The following BMPR1A variants were observed in gnomAD, a reference collection of about 807,000 sequenced individuals.
BMPR1A encodes bone morphogenetic protein receptor type-1A.
In BMPR1A, 7 loss-of-function variants were observed where a neutral mutation model predicts 66.0. That is an observed-to-expected ratio of 0.11 (90% CI 0.06 to 0.20). The LOEUF (loss-of-function observed/expected upper bound fraction) is 0.20, where lower values mean the gene tolerates loss of function less well. Ranked by LOEUF, BMPR1A falls within the 10% of genes least tolerant of loss-of-function variation. The probability of loss-of-function intolerance (pLI) is 1.00; values close to 1 mark genes in which losing one functional copy is unlikely to be tolerated. For synonymous variants in BMPR1A, 200 were observed against 229.7 expected (o/e 0.87, Z 1.17); for missense variants, 408 against 669.1 (o/e 0.61, Z 4.31).
At chr10:86,856,755 C>A (rs1842647189) in intron 2 of BMPR1A, among the ~76,000 whole-genome samples, 1 of 152,098 alleles carries the variant, frequency 6.6e-6, no homozygotes, top group Admixed American at 6.6e-5. Context: ...ACGAGACTGC[C>A]CTTGCTGCGA....
chr10:86,871,621 G>A (rs1842856575), intron 2 of BMPR1A, among the ~76,000 whole-genome samples: 1 of 152,024 alleles, frequency 6.6e-6, no homozygotes, highest in Non-Finnish European at 1.5e-5. Context: ...AGATCAGTCT[G>A]GGCAACATGG....
chr10:86,790,357 A>G (rs1388499057), intron 1 of BMPR1A, among the ~76,000 whole-genome samples: 1 of 151,280 alleles, frequency 6.6e-6, no homozygotes, highest in Non-Finnish European at 1.5e-5. Context: ...ATTTGTGGGA[A>G]TATAAAATCG....
At chr10:86,846,034 A>T (rs1301454541) in intron 2 of BMPR1A, among the ~76,000 whole-genome samples, 1 of 151,926 alleles carries the variant, frequency 6.6e-6, no homozygotes, top group Non-Finnish European at 1.5e-5. Flanking sequence ...ATATATGTAT[A>T]TATCTCTGAA....
At chr10:86,903,231 A>C (rs1176825234) in intron 7 of BMPR1A, among the ~76,000 whole-genome samples, 1 of 152,252 alleles carries the variant, frequency 6.6e-6, no homozygotes, top group Non-Finnish European at 1.5e-5. Context: ...GAAGCAATCA[A>C]AACCACTGAC....
At chr10:86,919,683 T>C (rs1843633334) in intron 10 of BMPR1A, among the ~76,000 whole-genome samples, 1 of 149,900 alleles carries the variant, frequency 6.7e-6, no homozygotes, top group Admixed American at 6.6e-5. Flanking sequence ...TTTTTGGTGT[T>C]TTTTTTTGTT....
chr10:86,819,260 G>A (rs1842084717), intron 1 of BMPR1A, among the ~76,000 whole-genome samples: 1 of 152,026 alleles, frequency 6.6e-6, no homozygotes, highest in Non-Finnish European at 1.5e-5. Flanking sequence ...TGTAACAATT[G>A]GCTTGTCTTA....
chr10:86,895,216 C>T (rs1173059094), intron 5 of BMPR1A, among the ~76,000 whole-genome samples: 2 of 152,148 alleles, frequency 1.3e-5, no homozygotes, highest in Non-Finnish European at 2.9e-5. Context: ...GCACTTTTAG[C>T]ATATGCTTTG....
intron 1 of BMPR1A, among the ~76,000 whole-genome samples, chr10:86,770,281 C>T (rs777383085): frequency 2.0e-5 from 3 of 152,038 alleles, no homozygotes; most frequent in Non-Finnish European, 4.4e-5. Context: ...ACAGTGAGGC[C>T]CTGTGTCATA....
intron 1 of BMPR1A, among the ~76,000 whole-genome samples, chr10:86,795,628 G>C (rs1181488278): frequency 6.6e-6 from 1 of 152,118 alleles, no homozygotes; most frequent in Admixed American, 6.5e-5. Flanking sequence ...TTGCCACTAT[G>C]TCTTCAACCC....
chr10:86,893,715 G>T (rs894233925), intron 5 of BMPR1A, among the ~76,000 whole-genome samples: 3 of 152,026 alleles, frequency 2.0e-5, no homozygotes, highest in African/African-American at 4.8e-5. Context: ...ATGAACCCGG[G>T]AGGTGGAGCT....
At chr10:86,854,236 C>T (rs1024784304) in intron 2 of BMPR1A, among the ~76,000 whole-genome samples, 4 of 152,326 alleles carry the variant, frequency 2.6e-5, no homozygotes, top group African/African-American at 9.6e-5. Flanking sequence ...CTCTTATTCC[C>T]TGAACATTGC....
chr10:86,882,137 C>A (rs1345891225), intron 3 of BMPR1A, among the ~76,000 whole-genome samples: 1 of 151,974 alleles, frequency 6.6e-6, no homozygotes, highest in East Asian at 1.9e-4. Context: ...AAAAGCTGGG[C>A]TGTATGGGTA....
At position 86,866,412 on chromosome 10, in the gene BMPR1A, T is replaced by TTTTTTTTC. The variant is rs1564707624; in HGVS notation, c.-152-9448_-152-9447insCTTTTTTT. Among the ~76,000 whole-genome samples the TTTTTTTTC allele has an allele frequency of 4.8e-5, 6 of 125,068 alleles. 1 individual carries two copies. The South Asian group carries it at 8.5e-4, about 18-fold the overall frequency. The allele number at this position is 125,068 out of a possible 152,430, so 82.0% of individuals were successfully genotyped here. A position where few individuals can be genotyped will look rare whatever the true frequency, so the allele number is the denominator to read the frequency against. On this transcript the variant is annotated intron_variant, in intron 2 of 12. Coordinates refer to ENST00000372037, the MANE Select transcript of BMPR1A (RefSeq NM_004329.3). ...GCAAGTTTCTTTCTTTTTTTTTTTT[T>TTTTTTTTC]TTTTTTTTTTTTTTGAGATGGAGTC...
intron 2 of BMPR1A, among the ~76,000 whole-genome samples, chr10:86,860,542 G>A (rs1842699537): frequency 6.6e-6 from 1 of 152,020 alleles, no homozygotes; most frequent in Non-Finnish European, 1.5e-5. Context: ...GGCCGAAGCT[G>A]GTGGATCACC....
chr10:86,870,712 C>A (rs1842844249), intron 2 of BMPR1A, among the ~76,000 whole-genome samples: 1 of 152,062 alleles, frequency 6.6e-6, no homozygotes, highest in Non-Finnish European at 1.5e-5. Flanking sequence ...GTGTGAGCCA[C>A]GTACCCAGCC....
intron 1 of BMPR1A, among the ~76,000 whole-genome samples, chr10:86,763,187 C>G (rs1841099461): frequency 6.6e-6 from 1 of 152,160 alleles, no homozygotes; most frequent in Non-Finnish European, 1.5e-5. Flanking sequence ...AGCCACTGCG[C>G]CCGGCCAGAA....
At chr10:86,873,561 A>G (rs938425355) in intron 2 of BMPR1A, among the ~76,000 whole-genome samples, 1 of 152,192 alleles carries the variant, frequency 6.6e-6, no homozygotes, top group South Asian at 2.1e-4. Flanking sequence ...CATGGTATCC[A>G]CTGGAGAGTG....
chr10:86,911,913 G>A lies in BMPR1A; in HGVS notation c.531-327G>A, dbSNP rs375259403. On this transcript the variant is annotated intron_variant, in intron 7 of 12. Coordinates refer to ENST00000372037, the MANE Select transcript of BMPR1A (RefSeq NM_004329.3). ...GGCAAAAGTCTGAAAATATGACTTC[G>A]AGGTTTGGGTTGGAATGTAAGGAAA... 3.9e-5 allele frequency among the ~76,000 whole-genome samples: 6 copies of A among 152,154 alleles called. No homozygotes were observed. In the East Asian group the frequency reaches 5.8e-4, roughly 15 times the overall value.
In BMPR1A at chr10:86,910,262, C is replaced by G. The variant is rs373310822; in HGVS notation, c.531-1978C>G. ...TGAGGCAGGGAGGATTGCTTAAACC[C>G]GGGAGGCAAAGCTTGCAGTGAGCTG... is the stretch of plus-strand genomic sequence containing the variant. On this transcript the variant is annotated intron_variant, in intron 7 of 12. Coordinates refer to ENST00000372037, the MANE Select transcript of BMPR1A (RefSeq NM_004329.3). Among the ~76,000 whole-genome samples the G allele has an allele frequency of 5.9e-5, 9 of 152,112 alleles. No individual in the cohort carries two copies. In the East Asian group the frequency reaches 1.2e-3, roughly 20 times the overall value.
Sources: gnomAD v4.1 joint callset for allele counts (sites outside exome capture counted in the v4.1 genomes callset) on GRCh38, gnomAD v4.1.1 for gene constraint, MANE v1.5 for transcripts, NCBI Gene and HGNC (gene_info 2026-07-23, HGNC 2026-07-21) for gene names.